PTP4A1: variants seen among roughly 807,000 people sequenced by gnomAD.
PTP4A1 encodes protein tyrosine phosphatase type IVA 1.
Under a neutral mutation model 20.5 loss-of-function variants are expected in PTP4A1, and 9 were observed. That is an observed-to-expected ratio of 0.44 (90% CI 0.26 to 0.77). The LOEUF (loss-of-function observed/expected upper bound fraction) is 0.77. Ranked by LOEUF, PTP4A1 falls within the 30% of genes least tolerant of loss-of-function variation. The pLI is 0.19. For synonymous variants in PTP4A1, 78 were observed against 67.4 expected (o/e 1.16, Z -0.77); for missense variants, 137 against 218.8 (o/e 0.63, Z 2.36).
At position 63,582,324 on chromosome 6, in the gene PTP4A1, A is replaced by G. The variant is rs1778287757; in HGVS notation, c.*2150A>G. On this transcript the variant is annotated 3_prime_UTR_variant, in exon 6 of 6. Transcript: ENST00000626021. ...TTATTGAGAGAGAGGATGTGCCATC[A>G]TGATTAATGAAAACTATCTTTTGAG... 6.6e-6 allele frequency: 1 copy of G among 152,658 alleles called. No homozygotes were observed. The highest frequency in any genetic ancestry group is 1.5e-5 in the Non-Finnish European group (1 of 68,034). The allele number at this position is 152,658 out of a possible 1,614,324, so 9.5% of individuals were successfully genotyped here.
intron 2 of PTP4A1, among the ~76,000 whole-genome samples, chr6:63,540,593 C>G (rs576863001): frequency 1.1e-4 from 16 of 151,650 alleles, no homozygotes; most frequent in Non-Finnish European, 2.1e-4. Flanking sequence ...TCACTGCACT[C>G]CAGCCTGAGT....
intron 3 of PTP4A1, among the ~76,000 whole-genome samples, chr6:63,562,263 G>A (rs1461345582): frequency 6.7e-6 from 1 of 148,396 alleles, no homozygotes; most frequent in Non-Finnish European, 1.5e-5. Flanking sequence ...GCAATGGTGC[G>A]GTCTCAGCTC....
At position 63,583,304 on chromosome 6, in the gene PTP4A1, C is replaced by CA. The variant is rs1778364915; in HGVS notation, c.*3130_*3131insA. On this transcript the variant is annotated 3_prime_UTR_variant, in exon 6 of 6. Transcript: ENST00000626021. ...ATGTTAATATTCTACATTCTTGCTT[C>CA]CTTAAATTAATATGTTTGTGTGTAT... The CA allele has an allele frequency of 6.6e-6, 1 of 152,146 alleles. No homozygotes were observed. Among genetic ancestry groups the CA allele is most frequent in the Non-Finnish European group, 1.5e-5 (1 of 68,036 alleles). 9.4% of individuals were successfully genotyped at this position (152,146 alleles called of 1,614,324 possible). A position where few individuals can be genotyped will look rare whatever the true frequency, so the allele number is the denominator to read the frequency against.
intron 2 of PTP4A1, among the ~76,000 whole-genome samples, chr6:63,577,699 G>A (rs1169830977): frequency 6.6e-6 from 1 of 152,084 alleles, no homozygotes; most frequent in Non-Finnish European, 1.5e-5. Context: ...TGAGACTACA[G>A]GCGTACGCCA....
intron 3 of PTP4A1, 122 bp downstream of exon 3, chr6:63,578,651 T>C: frequency 7.4e-7 from 1 of 1,359,478 alleles, no homozygotes; most frequent in Non-Finnish European, 9.8e-7. Flanking sequence ...AAAACAAATA[T>C]TATATTATTG....
intron 2 of PTP4A1, among the ~76,000 whole-genome samples, chr6:63,533,211 G>A (rs1775551402): frequency 6.6e-6 from 1 of 152,106 alleles, no homozygotes; most frequent in Admixed American, 6.6e-5. Flanking sequence ...GTTAAACCTG[G>A]TATCTACTAA....
intron 1 of PTP4A1, among the ~76,000 whole-genome samples, chr6:63,524,433 T>C (rs1459491511): frequency 6.6e-6 from 1 of 152,194 alleles, no homozygotes; most frequent in African/African-American, 2.4e-5. Context: ...TAAGAGGACA[T>C]CAATTTGGGC....
At chr6:63,574,384 A>G (rs926777638) in intron 1 of PTP4A1, among the ~76,000 whole-genome samples, 2 of 152,108 alleles carry the variant, frequency 1.3e-5, no homozygotes, top group Non-Finnish European at 2.9e-5. Context: ...AATCCCCATT[A>G]TGGATAGTTT....
At chr6:63,561,489 C>A (rs950991203) in intron 3 of PTP4A1, among the ~76,000 whole-genome samples, 1 of 152,190 alleles carries the variant, frequency 6.6e-6, no homozygotes, top group Non-Finnish European at 1.5e-5. Context: ...TATCTTTAGA[C>A]CTTTCTATTC....
chr6:63,547,942 T>G (rs550265801), intron 2 of PTP4A1, among the ~76,000 whole-genome samples: 39 of 152,164 alleles, frequency 2.6e-4, no homozygotes, highest in Non-Finnish European at 4.9e-4. Flanking sequence ...ACCCTTAAAG[T>G]TCCCCATTAT....
intron 4 of PTP4A1, 38 bp downstream of exon 4, chr6:63,579,066 T>C: frequency 6.5e-7 from 1 of 1,530,920 alleles, no homozygotes; most frequent in Non-Finnish European, 8.7e-7. Flanking sequence ...GGTAAAAATC[T>C]ATTGATAATG....
At chr6:63,533,684 G>A (rs993867603) in intron 2 of PTP4A1, among the ~76,000 whole-genome samples, 4 of 152,038 alleles carry the variant, frequency 2.6e-5, no homozygotes, top group African/African-American at 9.7e-5. Flanking sequence ...TGGGAGGACA[G>A]GATTAGAATT....
chr6:63,542,256 C>A (rs1310589652), intron 2 of PTP4A1, among the ~76,000 whole-genome samples: 1 of 151,900 alleles, frequency 6.6e-6, no homozygotes, highest in African/African-American at 2.4e-5. Context: ...ACACAATGGA[C>A]TTTGGGGGAC....
intron 1 of PTP4A1, among the ~76,000 whole-genome samples, chr6:63,525,593 C>T (rs148923481): frequency 7.4e-4 from 113 of 152,306 alleles, no homozygotes; most frequent in Non-Finnish European, 1.4e-3. Flanking sequence ...CTCTCCTCTG[C>T]GTTCTGAAGC....
At chr6:63,555,679 T>A in intron 3 of PTP4A1, among the ~76,000 whole-genome samples, 1 of 151,490 alleles carries the variant, frequency 6.6e-6, no homozygotes, top group South Asian at 2.1e-4. Flanking sequence ...GCAATTCACT[T>A]CTCAATTACA....
chr6:63,581,084 T>A lies in PTP4A1; in HGVS notation c.*910T>A, dbSNP rs1581952827. The A allele has an allele frequency of 6.6e-6, 1 of 152,284 alleles. No homozygotes were observed. The highest frequency in any genetic ancestry group is 2.1e-4 in the South Asian group (1 of 4,820). The allele number at this position is 152,284 out of a possible 1,614,324, so 9.4% of individuals were successfully genotyped here. On this transcript the variant is annotated 3_prime_UTR_variant, in exon 6 of 6. Coordinates refer to ENST00000626021, the MANE Select transcript of PTP4A1 (RefSeq NM_003463.5). ...CATAAACTTCCTGAAATTCTTGTAA[T>A]TTTTTTCCCATACTTATCAGAAGTG...
At chr6:63,519,328 G>A (rs1295349205), upstream of PTP4A1, among the ~76,000 whole-genome samples, 1 of 151,874 alleles carries the variant, frequency 6.6e-6, no homozygotes, top group Non-Finnish European at 1.5e-5. Context: ...AGACTACAAA[G>A]GTGCATATCA....
chr6:63,576,512 A>C lies in PTP4A1; in HGVS notation c.-369A>C. On this transcript the variant is annotated 5_prime_UTR_variant, in exon 2 of 6. Coordinates refer to ENST00000626021, the MANE Select transcript of PTP4A1 (RefSeq NM_003463.5). ...GGAGATTACTGCCAGGCACAGCACG[A>C]CCTCTATGCAGACAAGTGAACTGTA... The C allele has an allele frequency of 4.9e-6, 2 of 405,366 alleles. No homozygotes were observed. Among genetic ancestry groups the C allele is most frequent in the Non-Finnish European group, 8.7e-6 (2 of 230,148 alleles). 25.1% of individuals were successfully genotyped at this position (405,366 alleles called of 1,614,324 possible). A position where few individuals can be genotyped will look rare whatever the true frequency, so the allele number is the denominator to read the frequency against.
At chr6:63,547,962 T>C (rs1776277833) in intron 2 of PTP4A1, among the ~76,000 whole-genome samples, 1 of 152,222 alleles carries the variant, frequency 6.6e-6, no homozygotes, top group Non-Finnish European at 1.5e-5. Context: ...TCTCACCATT[T>C]CATATTCCCT....
Sources: allele counts gnomAD v4.1 joint callset (sites outside exome capture counted in the v4.1 genomes callset), GRCh38; gene constraint gnomAD v4.1.1; transcripts MANE v1.5; gene names NCBI Gene and HGNC (gene_info 2026-07-23, HGNC 2026-07-21).